Variants in ATG7 observed in about 807,000 individuals in gnomAD.
ATG7 encodes autophagy related 7.
ATG7 carries 70 observed loss-of-function variants against 82.4 expected under a neutral mutation model. The ratio of observed to expected loss-of-function variants is 0.85; its 90% CI spans 0.70 to 1.04. The LOEUF is 1.04. Ranked by LOEUF, ATG7 falls within the 50% of genes least tolerant of loss-of-function variation. The probability of loss-of-function intolerance (pLI) is 0.00; values close to 1 mark genes in which losing one functional copy is unlikely to be tolerated. For missense variants in ATG7, 792 were observed against 864.3 expected (o/e 0.92, Z 1.05); for synonymous variants, 287 against 313.0 (o/e 0.92, Z 0.88).
At chr3:11,378,773 A>G in intron 18 of ATG7, among the ~76,000 whole-genome samples, 1 of 151,998 alleles carries the variant, frequency 6.6e-6, no homozygotes, top group African/African-American at 2.4e-5. Flanking sequence ...CAAACAGTTA[A>G]CACTGTTACA....
intron 18 of ATG7, among the ~76,000 whole-genome samples, chr3:11,377,492 A>G (rs1209977183): frequency 6.6e-6 from 1 of 152,026 alleles, no homozygotes; most frequent in African/African-American, 2.4e-5. Flanking sequence ...TTTCTACCCC[A>G]ACTGGATCTA....
At chr3:11,490,680 C>T (rs1453353980) in intron 20 of ATG7, among the ~76,000 whole-genome samples, 3 of 152,122 alleles carry the variant, frequency 2.0e-5, no homozygotes, top group African/African-American at 4.8e-5. Context: ...GTGACAAAAT[C>T]TCTCAGCATT....
chr3:11,296,838 T>C (rs1946005754), intron 3 of ATG7, among the ~76,000 whole-genome samples: 1 of 152,226 alleles, frequency 6.6e-6, no homozygotes, highest in Non-Finnish European at 1.5e-5. Context: ...TGCTTCACGG[T>C]GTCTTTCCCA....
At chr3:11,351,671 G>A (rs1282622157) in intron 14 of ATG7, among the ~76,000 whole-genome samples, 2 of 152,062 alleles carry the variant, frequency 1.3e-5, no homozygotes, top group South Asian at 2.1e-4. Context: ...CCCAGGCCAC[G>A]GTCCAAGTCT....
chr3:11,562,175 G>GT (rs2073083208), downstream of ATG7, among the ~76,000 whole-genome samples: 1 of 152,114 alleles, frequency 6.6e-6, no homozygotes, highest in Non-Finnish European at 1.5e-5. Flanking sequence ...GGGATTACAG[G>GT]TGTGAGCCAC....
At chr3:11,409,451 G>A (rs1406555167) in intron 19 of ATG7, among the ~76,000 whole-genome samples, 1 of 152,210 alleles carries the variant, frequency 6.6e-6, no homozygotes, top group African/African-American at 2.4e-5. Context: ...TGACATAAAT[G>A]TTCTGAACAC....
chr3:11,574,664 A>G, the ATG7 span, among the ~76,000 whole-genome samples: 1 of 152,190 alleles, frequency 6.6e-6, no homozygotes, highest in African/African-American at 2.4e-5. Context: ...TTCCCAGCAC[A>G]AAGAAACGAT....
chr3:11,452,790 A>G (rs73137583), intron 20 of ATG7, among the ~76,000 whole-genome samples: 2,381 of 152,292 alleles, frequency 0.016, 70 homozygotes, highest in African/African-American at 0.055. Context: ...TTGATAGGAG[A>G]TAATTATTGC....
At chr3:11,443,321 A>G (rs1436260516) in intron 20 of ATG7, among the ~76,000 whole-genome samples, 1 of 152,118 alleles carries the variant, frequency 6.6e-6, no homozygotes, top group Non-Finnish European at 1.5e-5. Context: ...CCTTACTACT[A>G]AGGCTGAGGG....
intron 18 of ATG7, among the ~76,000 whole-genome samples, chr3:11,369,750 T>C (rs2076870504): frequency 6.6e-6 from 1 of 151,156 alleles, no homozygotes; most frequent in Non-Finnish European, 1.5e-5. Flanking sequence ...AGATTGCATC[T>C]CTTGTCCCAG....
intron 14 of ATG7, among the ~76,000 whole-genome samples, chr3:11,351,589 C>A (rs1165859677): frequency 1.3e-5 from 2 of 152,118 alleles, no homozygotes; most frequent in East Asian, 1.9e-4. Context: ...TGGAAACAGC[C>A]CCCTGGCATC....
intron 20 of ATG7, among the ~76,000 whole-genome samples, chr3:11,431,536 T>G (rs2082891214): frequency 6.6e-6 from 1 of 152,168 alleles, no homozygotes; most frequent in African/African-American, 2.4e-5. Flanking sequence ...TCTGAACCTA[T>G]TAAAAGGTCA....
chr3:11,464,866 T>C (rs535644096), intron 20 of ATG7, among the ~76,000 whole-genome samples: 1 of 152,260 alleles, frequency 6.6e-6, no homozygotes, highest in East Asian at 1.9e-4. Flanking sequence ...CCCTTTACTA[T>C]AAAATGGAAA....
intron 3 of ATG7, among the ~76,000 whole-genome samples, chr3:11,288,893 AG>A (rs1231109042): frequency 1.3e-5 from 2 of 152,190 alleles, no homozygotes; most frequent in African/African-American, 4.8e-5. Context: ...CTGCTATTTC[AG>A]TTTAATCTTG....
chr3:11,456,189 C>G (rs1332300029), intron 20 of ATG7, among the ~76,000 whole-genome samples: 1 of 152,216 alleles, frequency 6.6e-6, no homozygotes, highest in East Asian at 1.9e-4. Context: ...AATCTTTCGT[C>G]TCTTCGGATT....
At chr3:11,382,317 G>A (rs1008250492) in intron 19 of ATG7, among the ~76,000 whole-genome samples, 6 of 152,218 alleles carry the variant, frequency 3.9e-5, no homozygotes, top group African/African-American at 1.2e-4. Flanking sequence ...GCACGCACGC[G>A]AGCGAGAGCT....
rs755468984 is a variant in ATG7 at position 11,306,963 on chromosome 3, G to A, written c.236G>A (p.Arg79His). The A allele has an allele frequency of 1.2e-5, 19 of 1,613,790 alleles. No individual in the cohort carries two copies. Among genetic ancestry groups the A allele is most frequent in the South Asian group, 4.4e-5 (4 of 91,080 alleles). The change falls in exon 6 of 21, where the codon CGT (arginine) becomes CAT (histidine). Residue 79 changes from arginine to histidine, a missense_variant. Arg to His is a conservative substitution (Grantham distance 29, BLOSUM62 0). Coordinates refer to ENST00000693202, the MANE Select transcript of ATG7 (RefSeq NM_001349232.2). ...TCTAGGAGTGCTCCCACCCCAGCCC[G>A]TTGCTGCCCAGCTATTGGAACACTG... The part of the protein sequence containing the change: ...AFDMSAPTPA[R>H]CCPAIGTLYN...
intron 20 of ATG7, among the ~76,000 whole-genome samples, chr3:11,431,009 T>A (rs1217350526): frequency 6.6e-6 from 1 of 152,262 alleles, no homozygotes; most frequent in Middle Eastern, 3.2e-3. Flanking sequence ...TTACTCAAAA[T>A]CATGAGTAGT....
At chr3:11,371,335 G>C (rs1023883519) in intron 18 of ATG7, among the ~76,000 whole-genome samples, 1 of 150,958 alleles carries the variant, frequency 6.6e-6, no homozygotes, top group African/African-American at 2.5e-5. Flanking sequence ...GAAGGGAAAG[G>C]CCAGTTTACC....
Sources: gnomAD v4.1 joint callset for allele counts (sites outside exome capture counted in the v4.1 genomes callset) on GRCh38, gnomAD v4.1.1 for gene constraint, MANE v1.5 for transcripts, NCBI Gene and HGNC (gene_info 2026-07-23, HGNC 2026-07-21) for gene names.